Variants in DNAH11 observed in about 807,000 individuals in gnomAD.
The protein encoded by DNAH11 is dynein axonemal heavy chain 11.
DNAH11 carries 442 observed loss-of-function variants against 526.0 expected under a neutral mutation model. The observed-to-expected ratio is 0.84, with a 90% CI of 0.78 to 0.91. DNAH11 has a LOEUF of 0.91. Among genes scored for constraint, DNAH11 ranks in the 40% least tolerant of loss-of-function variants. The pLI is 0.00. For synonymous variants in DNAH11, 2,461 were observed against 1,935.9 expected (o/e 1.27, Z -7.12); for missense variants, 6,989 against 5,448.7 (o/e 1.28, Z -8.90).
At chr7:21,784,311 T>C in intron 57 of DNAH11, 116 bp from the exon 58 acceptor site, 1 of 806,372 alleles carries the variant, frequency 1.2e-6, no homozygotes, top group Non-Finnish European at 2.1e-6. Context: ...CCTCACCTGT[T>C]CAAAGTACAG....
chr7:21,610,620 T>G (rs1305154727), intron 20 of DNAH11, among the ~76,000 whole-genome samples: 2 of 151,414 alleles, frequency 1.3e-5, no homozygotes, highest in Non-Finnish European at 2.9e-5. Flanking sequence ...TTGAAAAAAA[T>G]GAGCAAGTTC....
Position 21,690,867 on chromosome 7 carries a change from C to T in DNAH11, c.6027C>T (p.Leu2009=), listed in dbSNP as rs1268936536. The part of the protein sequence containing the change: ...YAGRTELPEN[L]KALFRPCAMV... ...GTCGAACCGAATTACCGGAAAATCT[C>T]AAAGCTCTTTTCAGGCAAGTGTTAT... The change falls in exon 35 of 82, where the codon CTC becomes CTT. Residue 2009 remains leucine (L), a synonymous_variant. Coordinates refer to ENST00000409508, the MANE Select transcript of DNAH11 (RefSeq NM_001277115.2). 4 of 1,612,206 alleles carry T rather than the reference C, an allele frequency of 2.5e-6. No individual in the cohort carries two copies. The highest frequency in any genetic ancestry group is 2.7e-5 in the African/African-American group (2 of 74,968).
chr7:21,570,185 T>A lies in DNAH11; in HGVS notation c.1311T>A (p.Tyr437Ter), dbSNP rs559143773. 2 of 1,613,450 alleles carry A rather than the reference T, an allele frequency of 1.2e-6. No individual in the cohort carries two copies. The highest frequency in any genetic ancestry group is 2.7e-5 in the African/African-American group (2 of 75,028). ...LKTFKNSFFN[Y>*]RKKLASYFMG... is the part of the protein sequence containing the mutation. ...CTTTCAAAAACTCCTTTTTCAACTATAGAAAAAAATTGGCAAGCTACTTTA... is the reference window on the plus strand; with the variant it reads ...CTTTCAAAAACTCCTTTTTCAACTAAAGAAAAAAATTGGCAAGCTACTTTA... Residue 437 changes from tyrosine to a stop codon, truncating the protein, a stop_gained, in exon 7 of 82, where the codon TAT becomes TAA. Coordinates refer to ENST00000409508, the MANE Select transcript of DNAH11 (RefSeq NM_001277115.2). LOFTEE classifies it high-confidence loss of function.
intron 8 of DNAH11, among the ~76,000 whole-genome samples, chr7:21,574,564 C>CTTTT (rs35535321): frequency 8.1e-6 from 1 of 123,832 alleles, no homozygotes; most frequent in Non-Finnish European, 1.7e-5. Context: ...CCCTTCCTTC[C>CTTTT]TTTTTTTTTT....
Position 21,890,819 on chromosome 7 carries a change from T to G in DNAH11, c.12508-1606T>G, listed in dbSNP as rs545436725. ...AAGCCAAGCCAATGGATACTGGTGG[T>G]GAAATAGTCCAACTTCTTCCTTCCC... On this transcript the variant is annotated intron_variant, in intron 76 of 81. Transcript: ENST00000409508. 1.1e-3 allele frequency among the ~76,000 whole-genome samples: 165 copies of G among 152,270 alleles called. 2 individuals are homozygous for G. Among genetic ancestry groups the G allele is most frequent in the African/African-American group, 3.8e-3 (159 of 41,552 alleles).
chr7:21,752,480 T>G (rs1786455384), intron 54 of DNAH11, among the ~76,000 whole-genome samples: 1 of 152,204 alleles, frequency 6.6e-6, no homozygotes. Context: ...TTCTATGTAT[T>G]TAGGCAATTA....
intron 54 of DNAH11, among the ~76,000 whole-genome samples, chr7:21,756,056 T>C (rs1786622474): frequency 6.6e-6 from 1 of 152,108 alleles, no homozygotes; most frequent in Non-Finnish European, 1.5e-5. Flanking sequence ...TTTACATTCA[T>C]ATTTATTAAA....
intron 58 of DNAH11, among the ~76,000 whole-genome samples, chr7:21,785,354 T>A (rs1788127943): frequency 6.6e-6 from 1 of 152,172 alleles, no homozygotes; most frequent in Non-Finnish European, 1.5e-5. Context: ...AACTGAAAAA[T>A]TTTAAATGGA....
At chr7:21,685,409 T>G (rs1319443634) in intron 32 of DNAH11, among the ~76,000 whole-genome samples, 1 of 152,108 alleles carries the variant, frequency 6.6e-6, no homozygotes, top group Non-Finnish European at 1.5e-5. Flanking sequence ...ACCATGTGGG[T>G]TTTTTGGGAG....
In DNAH11 at chr7:21,778,960, G is replaced by A; in HGVS notation, c.9339G>A (p.Val3113=). ...AAGAATAATGACTTTTGCTTTAGGT[G>A]GGAGATCTAAAAGCCAGACTTGCCT... The part of the protein sequence containing the change: ...IQKLKTTASQ[V]GDLKARLASQ... The change falls in exon 57 of 82, where the codon GTG becomes GTA. Residue 3113 remains valine, a splice_region_variant and synonymous_variant. Coordinates refer to ENST00000409508, the MANE Select transcript of DNAH11 (RefSeq NM_001277115.2). 4.3e-6 allele frequency: 7 copies of A among 1,612,836 alleles called. No individual in the cohort carries two copies. The highest frequency in any genetic ancestry group is 5.9e-6 in the Non-Finnish European group (7 of 1,179,170).
chr7:21,562,939 G>C (rs193207476), intron 5 of DNAH11, among the ~76,000 whole-genome samples: 263 of 151,912 alleles, frequency 1.7e-3, no homozygotes, highest in African/African-American at 6.1e-3. Flanking sequence ...GGTTTTTTTT[G>C]TTCTTGACAC....
chr7:21,666,250 C>T (rs922892385), intron 30 of DNAH11, among the ~76,000 whole-genome samples: 2 of 151,608 alleles, frequency 1.3e-5, no homozygotes, highest in Non-Finnish European at 2.9e-5. Flanking sequence ...GAATATATAT[C>T]GCTGCCTTGT....
intron 9 of DNAH11, 23 bp downstream of exon 9, chr7:21,582,044 T>C: frequency 2.0e-6 from 3 of 1,486,650 alleles, no homozygotes; most frequent in South Asian, 2.3e-5. Flanking sequence ...GAAGCTATCA[T>C]AAAAAACGTT....
In DNAH11 at chr7:21,816,496, C is replaced by T. The variant is rs1789797972; in HGVS notation, c.10362C>T (p.Asp3454=). The part of the protein sequence containing the change: ...KVSIPLTEGL[D]LISMLTDDAT... ...CCATTCCACTAACCGAAGGCCTGGA[C>T]TTGATATCCATGTTGACGGATGATG... Residue 3454 remains aspartate (D), a synonymous_variant, in exon 64 of 82, where the codon GAC becomes GAT. Transcript: ENST00000409508. 1 of 1,610,368 alleles carries T rather than the reference C, an allele frequency of 6.2e-7. No individual in the cohort carries two copies. Among genetic ancestry groups the T allele is most frequent in the East Asian group, 2.2e-5 (1 of 44,766 alleles).
At chr7:21,821,631 A>G (rs1265649145) in intron 65 of DNAH11, among the ~76,000 whole-genome samples, 1 of 152,156 alleles carries the variant, frequency 6.6e-6, no homozygotes, top group Non-Finnish European at 1.5e-5. Flanking sequence ...ATATTTTGAT[A>G]CATGTATACG....
intron 65 of DNAH11, among the ~76,000 whole-genome samples, chr7:21,825,144 T>G (rs908080686): frequency 6.6e-6 from 1 of 152,192 alleles, no homozygotes. Context: ...GTGCTGAGAT[T>G]ACAGGCATGA....
At position 21,899,925 on chromosome 7, in the gene DNAH11, G is replaced by A. The variant is rs113349554; in HGVS notation, c.13163-55G>A. On this transcript the variant is annotated intron_variant, in intron 80 of 81. Transcript: ENST00000409508. ...ATGCCTCAATTTACTGGTAGCTCCC[G>A]GGAACCTTACATGCAACACTTTTAT... 22 of 1,589,516 alleles carry A rather than the reference G, an allele frequency of 1.4e-5. No individual in the cohort carries two copies. The African/African-American group carries it at 1.7e-4, about 13-fold the overall frequency.
rs893970580 is a variant in DNAH11 at position 21,743,775 on chromosome 7, C to T, written c.8155-663C>T. On this transcript the variant is annotated intron_variant, in intron 49 of 81. Transcript: ENST00000409508. ...TGAAATGGGACGAGAGGACTGCCTG[C>T]TCACCCTTCATATCCTGCCTGTCAG... is the stretch of plus-strand genomic sequence containing the variant. Among the ~76,000 whole-genome samples the T allele has an allele frequency of 3.9e-5, 6 of 152,186 alleles. No individual in the cohort carries two copies. The East Asian group carries it at 9.6e-4, about 24-fold the overall frequency.
chr7:21,860,817 G>T (rs1160282621), intron 68 of DNAH11, among the ~76,000 whole-genome samples: 7 of 152,188 alleles, frequency 4.6e-5, no homozygotes, highest in Non-Finnish European at 1.0e-4. Context: ...GTTCCACGTG[G>T]CTGGGGAGGC....
Sources: allele counts gnomAD v4.1 joint callset (sites outside exome capture counted in the v4.1 genomes callset), GRCh38; gene constraint gnomAD v4.1.1; transcripts MANE v1.5; gene names NCBI Gene and HGNC (gene_info 2026-07-23, HGNC 2026-07-21).